Variants in VGLL3 observed in about 807,000 individuals in gnomAD.
The protein encoded by VGLL3 is vestigial like family member 3.
Under a neutral mutation model 29.2 loss-of-function variants are expected in VGLL3, and 18 were observed. That is an observed-to-expected ratio of 0.62 (90% confidence interval 0.43 to 0.91). VGLL3 has a LOEUF of 0.91. Ranked by LOEUF, VGLL3 falls within the 40% of genes least tolerant of loss-of-function variation. The pLI is 0.00. For missense variants in VGLL3, 440 were observed against 413.2 expected (o/e 1.06, Z -0.56); for synonymous variants, 180 against 151.8 (o/e 1.19, Z -1.36).
intron 3 of VGLL3, among the ~76,000 whole-genome samples, chr3:86,948,660 C>T (rs1178720956): frequency 6.6e-6 from 1 of 152,108 alleles, no homozygotes; most frequent in Non-Finnish European, 1.5e-5. Context: ...CATTTGTGTA[C>T]TGGGAACAAA....
In VGLL3 at chr3:86,945,779, T is replaced by A. The variant is rs1704495055; in HGVS notation, c.*1245A>T. The A allele has an allele frequency of 6.6e-6, 1 of 152,148 alleles. No homozygotes were observed. The highest frequency in any genetic ancestry group is 2.4e-5 in the African/African-American group (1 of 41,440). The allele number at this position is 152,148 out of a possible 1,614,324, so 9.4% of individuals were successfully genotyped here. A position where few individuals can be genotyped will look rare whatever the true frequency, so the allele number is the denominator to read the frequency against. ...CCCTAAATTTCTTTCTAAAAAGGAA[T>A]TAAATCAAGTAAAGCCAGATTTAAA... is the stretch of plus-strand genomic sequence containing the variant. On this transcript the variant is annotated 3_prime_UTR_variant, in exon 4 of 4. Transcript: ENST00000398399.
At chr3:86,990,467 T>C (rs1376081444) in intron 1 of VGLL3, 151 bp downstream of exon 1, 12 of 1,235,094 alleles carry the variant, frequency 9.7e-6, no homozygotes, top group East Asian at 3.2e-5. Context: ...TTCCCGGCTC[T>C]CTCGGGATGG....
rs1704490995 is a variant in VGLL3, at chr3:86,945,583, C to A, written c.*1441G>T. ...TAACTGTTACTTTCATAATCTTAAT[C>A]TTCTCCTAGCAGTGTCTTAATGATA... On this transcript the variant is annotated 3_prime_UTR_variant, in exon 4 of 4. Coordinates refer to ENST00000398399, the MANE Select transcript of VGLL3 (RefSeq NM_016206.4). 6.6e-6 allele frequency: 1 copy of A among 152,132 alleles called. No homozygotes were observed. The highest frequency in any genetic ancestry group is 2.4e-5 in the African/African-American group (1 of 41,438). 9.4% of individuals were successfully genotyped at this position (152,132 alleles called of 1,614,324 possible).
At chr3:86,980,918 C>A (rs947941994) in intron 1 of VGLL3, among the ~76,000 whole-genome samples, 4 of 151,192 alleles carry the variant, frequency 2.6e-5, no homozygotes, top group Admixed American at 2.6e-4. Flanking sequence ...ATCCGTGAAA[C>A]TAATTTCTTT....
At chr3:86,975,061 G>A (rs1366980282) in intron 2 of VGLL3, among the ~76,000 whole-genome samples, 1 of 152,150 alleles carries the variant, frequency 6.6e-6, no homozygotes, top group East Asian at 1.9e-4. Context: ...ATAACTCTAT[G>A]AGATGGGTAT....
intron 1 of VGLL3, among the ~76,000 whole-genome samples, chr3:86,981,913 T>C (rs1341102951): frequency 6.6e-6 from 1 of 152,046 alleles, no homozygotes; most frequent in African/African-American, 2.4e-5. Context: ...AAAATAAGAA[T>C]CTCAAAGTAT....
intron 2 of VGLL3, among the ~76,000 whole-genome samples, chr3:86,973,586 A>C (rs559673415): frequency 6.6e-6 from 1 of 152,260 alleles, no homozygotes; most frequent in African/African-American, 2.4e-5. Context: ...TGAGAGTTTC[A>C]AGGGATGATG....
At chr3:86,953,559 TA>T (rs1704655704) in intron 3 of VGLL3, among the ~76,000 whole-genome samples, 4 of 152,196 alleles carry the variant, frequency 2.6e-5, no homozygotes, top group Non-Finnish European at 5.9e-5. Context: ...TTGTGGTGGC[TA>T]AATGTGTTTA....
rs1705568282 is a variant in VGLL3, at chr3:86,990,751, G to A, written c.-8C>T. ...CACCTCCGCACAACTCATGGCAGCC[G>A]GGGCAGTGGCGGCCCCCGAGCTGCC... On this transcript the variant is annotated 5_prime_UTR_variant, in exon 1 of 4. Transcript: ENST00000398399. 2 of 1,344,190 alleles carry A rather than the reference G, an allele frequency of 1.5e-6. No individual in the cohort carries two copies. The highest frequency in any genetic ancestry group is 2.9e-5 in the East Asian group (1 of 34,100). The allele number at this position is 1,344,190 out of a possible 1,614,324, so 83.3% of individuals were successfully genotyped here. A position where few individuals can be genotyped will look rare whatever the true frequency, so the allele number is the denominator to read the frequency against.
chr3:86,957,355 T>C (rs1704745320), intron 3 of VGLL3, among the ~76,000 whole-genome samples: 1 of 152,182 alleles, frequency 6.6e-6, no homozygotes, highest in Non-Finnish European at 1.5e-5. Context: ...AAAATAAAAA[T>C]GACAGATGCA....
intron 1 of VGLL3, among the ~76,000 whole-genome samples, chr3:86,985,078 C>G (rs1705409560): frequency 6.6e-6 from 1 of 152,124 alleles, no homozygotes; most frequent in Non-Finnish European, 1.5e-5. Flanking sequence ...TTAGCTTCCT[C>G]TTTTGAAAAC....
intron 2 of VGLL3, among the ~76,000 whole-genome samples, chr3:86,970,650 T>C (rs916361300): frequency 2.0e-5 from 3 of 151,800 alleles, no homozygotes. Flanking sequence ...TGAATGTAAA[T>C]TCTATTCTGA....
intron 3 of VGLL3, among the ~76,000 whole-genome samples, chr3:86,951,669 G>A (rs1337010221): frequency 1.3e-5 from 2 of 152,124 alleles, no homozygotes; most frequent in Non-Finnish European, 2.9e-5. Context: ...AACATGGTAG[G>A]TCTGAGCATG....
intron 1 of VGLL3, among the ~76,000 whole-genome samples, chr3:86,979,700 C>T (rs72916091): frequency 0.087 from 13,266 of 152,008 alleles, 1,565 homozygotes; most frequent in African/African-American, 0.26. Context: ...AATTAAGTTA[C>T]TTGCCAAAAG....
Position 86,990,800 on chromosome 3 carries a change from G to T in VGLL3, c.-57C>A, listed in dbSNP as rs1174082768. 8 of 1,231,428 alleles carry T rather than the reference G, an allele frequency of 6.5e-6. No individual in the cohort carries two copies. Among genetic ancestry groups the T allele is most frequent in the East Asian group, 6.9e-5 (2 of 29,134 alleles). The allele number at this position is 1,231,428 out of a possible 1,614,324, so 76.3% of individuals were successfully genotyped here. A position where few individuals can be genotyped will look rare whatever the true frequency, so the allele number is the denominator to read the frequency against. On this transcript the variant is annotated 5_prime_UTR_variant, in exon 1 of 4. Transcript: ENST00000398399. ...CCGCCGCCGCTCTACGCGCTGGCGC[G>T]AGGGGCGCGGGCGCCGCCGCCGCCG...
At chr3:86,972,502 G>A (rs919206222) in intron 2 of VGLL3, among the ~76,000 whole-genome samples, 5 of 152,066 alleles carry the variant, frequency 3.3e-5, no homozygotes, top group Non-Finnish European at 7.4e-5. Context: ...AAAAAGTCTT[G>A]ATGCAAAGGA....
intron 2 of VGLL3, among the ~76,000 whole-genome samples, chr3:86,974,370 G>A (rs1349591573): frequency 2.6e-5 from 4 of 151,960 alleles, no homozygotes; most frequent in East Asian, 1.9e-4. Context: ...CTGCCCGGCC[G>A]CGGCCTCCCA....
At chr3:86,979,789 T>C (rs1705285403) in intron 1 of VGLL3, among the ~76,000 whole-genome samples, 2 of 152,256 alleles carry the variant, frequency 1.3e-5, no homozygotes, top group Admixed American at 6.5e-5. Flanking sequence ...ATATATATGT[T>C]CTGAGGAATG....
intron 3 of VGLL3, chr3:86,962,451 G>A: frequency 1.0e-6 from 1 of 985,130 alleles, no homozygotes; most frequent in East Asian, 1.1e-4. Context: ...GGAAAAAATG[G>A]ACCACCTTAC....
Sources: allele counts gnomAD v4.1 joint callset (sites outside exome capture counted in the v4.1 genomes callset), GRCh38; gene constraint gnomAD v4.1.1; transcripts MANE v1.5; gene names NCBI Gene and HGNC (gene_info 2026-07-23, HGNC 2026-07-21).